Variants in VTI1B observed in about 807,000 individuals in gnomAD.
VTI1B encodes the protein vesicle transport through interaction with t-SNAREs 1B.
Under a neutral mutation model 28.6 loss-of-function variants are expected in VTI1B, and 18 were observed. That is an observed-to-expected ratio of 0.63 (90% CI 0.43 to 0.93). The LOEUF is 0.93. Among genes scored for constraint, VTI1B ranks in the 40% least tolerant of loss-of-function variants. The probability of loss-of-function intolerance (pLI) is 0.00; values close to 1 mark genes in which losing one functional copy is unlikely to be tolerated. For synonymous variants in VTI1B, 100 were observed against 107.9 expected, an observed-to-expected ratio of 0.93 and a Z score of 0.46; for missense variants, 283 against 297.0, an observed-to-expected ratio of 0.95 and a Z score of 0.35.
chr14:67,673,293 G>A (rs1429431243), intron 1 of VTI1B, among the ~76,000 whole-genome samples: 4 of 151,996 alleles, frequency 2.6e-5, no homozygotes, highest in Non-Finnish European at 4.4e-5. Flanking sequence ...GCAGTGAGCC[G>A]AGATCGTGCC....
At chr14:67,657,380 A>G (rs2037271606) in intron 3 of VTI1B, among the ~76,000 whole-genome samples, 1 of 152,212 alleles carries the variant, frequency 6.6e-6, no homozygotes, top group African/African-American at 2.4e-5. Context: ...ATTTGGTCTC[A>G]GGGAAATTAG....
intron 2 of VTI1B, among the ~76,000 whole-genome samples, chr14:67,661,999 A>T (rs1034404624): frequency 1.3e-5 from 2 of 152,072 alleles, no homozygotes. Context: ...TACTGAAAAT[A>T]CAAAAAAACA....
Position 67,670,730 on chromosome 14 carries a change from T to C in VTI1B, c.115+3645A>G, listed in dbSNP as rs555535550. On this transcript the variant is annotated intron_variant, in intron 1 of 5. Transcript: ENST00000554659. ...TTTGAGTAGAGATGGGGTTTCACCA[T>C]GTTGACCAGGATGGTCTCCATCCGT... is the stretch of plus-strand genomic sequence containing the variant. Among the ~76,000 whole-genome samples, 25 of 152,268 alleles carry C rather than the reference T, an allele frequency of 1.6e-4. No homozygotes were observed. In the South Asian group the frequency reaches 3.3e-3, roughly 20 times the overall value.
In VTI1B at chr14:67,657,097, C is replaced by T. The variant is rs149485782; in HGVS notation, c.367-508G>A. 2.1e-3 allele frequency: 319 copies of T among 152,428 alleles called. 2 individuals carry two copies. Among genetic ancestry groups the T allele is most frequent in the Admixed American group, 5.1e-3 (78 of 15,320 alleles). 9.4% of individuals were successfully genotyped at this position (152,428 alleles called of 1,614,324 possible). ...ACCATGAATAAGCTATTCTGTTCTT[C>T]GTTTTAAGCCTCCAGCACCTGGTAT... On this transcript the variant is annotated intron_variant, in intron 3 of 5. Transcript: ENST00000554659.
At position 67,651,001 on chromosome 14, in the gene VTI1B, T is replaced by C; in HGVS notation, c.*384A>G. 2.2e-6 allele frequency: 3 copies of C among 1,379,520 alleles called. No homozygotes were observed. The highest frequency in any genetic ancestry group is 2.0e-6 in the Non-Finnish European group (2 of 987,980). The allele number at this position is 1,379,520 out of a possible 1,614,324, so 85.5% of individuals were successfully genotyped here. A position where few individuals can be genotyped will look rare whatever the true frequency, so the allele number is the denominator to read the frequency against. The stretch of plus-strand genomic sequence containing the variant: ...GAGGGGATAGATGAATACTAAATGG[T>C]TGTCTGGGTCAATACTGCCTTAATG... On this transcript the variant is annotated 3_prime_UTR_variant, in exon 6 of 6. Coordinates refer to ENST00000554659, the MANE Select transcript of VTI1B (RefSeq NM_006370.3).
rs2037344125 is a variant in VTI1B, at chr14:67,662,128, C to T, written c.174+349G>A. ...CCGAGACTGTGCCACTGCACTCCAG[C>T]TTGGGCAACAGAGCGAGACTCTGTC... On this transcript the variant is annotated intron_variant, in intron 2 of 5. Transcript: ENST00000554659. Among the ~76,000 whole-genome samples, 3 of 151,336 alleles carry T rather than the reference C, an allele frequency of 2.0e-5. 1 individual carries two copies. The South Asian group carries it at 6.3e-4, about 32-fold the overall frequency.
At chr14:67,654,762 G>A (rs972489942) in intron 4 of VTI1B, among the ~76,000 whole-genome samples, 31 of 152,080 alleles carry the variant, frequency 2.0e-4, no homozygotes, top group African/African-American at 7.0e-4. Context: ...GGGCGCAGTG[G>A]CTCACGCTTA....
In VTI1B at chr14:67,674,520, G is replaced by A. The variant is rs1167866825; in HGVS notation, c.-31C>T. 1.3e-6 allele frequency: 2 copies of A among 1,561,188 alleles called. No homozygotes were observed. Among genetic ancestry groups the A allele is most frequent in the Admixed American group, 1.9e-5 (1 of 52,566 alleles). On this transcript the variant is annotated 5_prime_UTR_variant, in exon 1 of 6. Coordinates refer to ENST00000554659, the MANE Select transcript of VTI1B (RefSeq NM_006370.3). ...AGGCCGCGCTGGAGCAGCGGCCACC[G>A]AGATTCGGGGCCCTGGGCCCTTTCC...
chr14:67,667,682 C>T (rs1235600623), intron 1 of VTI1B, among the ~76,000 whole-genome samples: 3 of 152,198 alleles, frequency 2.0e-5, no homozygotes, highest in Admixed American at 1.3e-4. Flanking sequence ...CGGTGGCTCA[C>T]GCCTGTAATC....
chr14:67,659,665 ATAGT>A, intron 3 of VTI1B, 62 bp downstream of exon 3: 1 of 1,472,236 alleles, frequency 6.8e-7, no homozygotes, highest in Non-Finnish European at 9.1e-7. Context: ...CCCCAACAAT[ATAGT>A]TAATTTTTGT....
At position 67,650,561 on chromosome 14, in the gene VTI1B, A is replaced by T; in HGVS notation, c.*824T>A. ...TTAACTTAAATTCATGGCCAAGAGG[A>T]TGAGGTGCAAGGGGCTTCCTAAAAA... On this transcript the variant is annotated 3_prime_UTR_variant, in exon 6 of 6. Coordinates refer to ENST00000554659, the MANE Select transcript of VTI1B (RefSeq NM_006370.3). The T allele has an allele frequency of 1.6e-6, 1 of 640,418 alleles. No homozygotes were observed. The highest frequency in any genetic ancestry group is 2.8e-6 in the Non-Finnish European group (1 of 361,724). The allele number at this position is 640,418 out of a possible 1,614,324, so 39.7% of individuals were successfully genotyped here. A position where few individuals can be genotyped will look rare whatever the true frequency, so the allele number is the denominator to read the frequency against.
chr14:67,656,030 G>T (rs2037251032), intron 4 of VTI1B, among the ~76,000 whole-genome samples: 1 of 152,162 alleles, frequency 6.6e-6, no homozygotes, highest in Non-Finnish European at 1.5e-5. Flanking sequence ...TGGATCACCT[G>T]AAGTTAGGAG....
chr14:67,661,301 T>TTA (rs1264205684), intron 2 of VTI1B, among the ~76,000 whole-genome samples: 1 of 88,602 alleles, frequency 1.1e-5, no homozygotes, highest in African/African-American at 4.5e-5. Flanking sequence ...AAAAAAAAAG[T>TTA]TTTTTTTTTT....
In VTI1B at chr14:67,674,376, G is replaced by T. The variant is rs776719607; in HGVS notation, c.114C>A (p.Thr38=). ...CGGCGTGGCCCACCCCCGCCTCACC[G>T]GTCCCCGCCGTCCCCAGCAGCCGCT... The part of the protein sequence containing the change: ...VPERLLGTAG[T]EEKKKLIRDF... The change falls in exon 1 of 6, where the codon ACC becomes ACA. Residue 38 remains threonine, a splice_region_variant and synonymous_variant. Transcript: ENST00000554659. 6 of 1,591,380 alleles carry T rather than the reference G, an allele frequency of 3.8e-6. No individual in the cohort carries two copies. Among genetic ancestry groups the T allele is most frequent in the Non-Finnish European group, 5.1e-6 (6 of 1,170,944 alleles).
rs1039282430 is a variant in VTI1B at position 67,650,993 on chromosome 14, C to A, written c.*392G>T. 9 of 1,431,972 alleles carry A rather than the reference C, an allele frequency of 6.3e-6. No individual in the cohort carries two copies. The African/African-American group carries it at 8.4e-5, about 13-fold the overall frequency. The allele number at this position is 1,431,972 out of a possible 1,614,324, so 88.7% of individuals were successfully genotyped here. A position where few individuals can be genotyped will look rare whatever the true frequency, so the allele number is the denominator to read the frequency against. On this transcript the variant is annotated 3_prime_UTR_variant, in exon 6 of 6. Transcript: ENST00000554659. ...GAGGCATTGAGGGGATAGATGAATA[C>A]TAAATGGTTGTCTGGGTCAATACTG...
Position 67,674,532 on chromosome 14 carries a change from C to T in VTI1B, c.-43G>A. On this transcript the variant is annotated 5_prime_UTR_variant, in exon 1 of 6. Transcript: ENST00000554659. ...AGCAGCGGCCACCGAGATTCGGGGC[C>T]CTGGGCCCTTTCCTAGCCCGGCGGT... is the stretch of plus-strand genomic sequence containing the variant. 3 of 1,526,664 alleles carry T rather than the reference C, an allele frequency of 2.0e-6. No homozygotes were observed. Among genetic ancestry groups the T allele is most frequent in the Non-Finnish European group, 2.6e-6 (3 of 1,136,328 alleles). 94.6% of individuals were successfully genotyped at this position (1,526,664 alleles called of 1,614,324 possible).
Position 67,648,261 on chromosome 14 carries a change from T to C in VTI1B, c.*3124A>G, listed in dbSNP as rs2037126779. 1 of 1,492,948 alleles carries C rather than the reference T, an allele frequency of 6.7e-7. No homozygotes were observed. Among genetic ancestry groups the C allele is most frequent in the Non-Finnish European group, 9.1e-7 (1 of 1,101,934 alleles). 92.5% of individuals were successfully genotyped at this position (1,492,948 alleles called of 1,614,324 possible). ...AGTCTCTTGCCTGCAAAGGATCTTTTCTGCTATTCCACATCATTGCAGAGT... is the reference window on the plus strand; with the variant it reads ...AGTCTCTTGCCTGCAAAGGATCTTTCCTGCTATTCCACATCATTGCAGAGT... On this transcript the variant is annotated 3_prime_UTR_variant, in exon 6 of 6. Coordinates refer to ENST00000554659, the MANE Select transcript of VTI1B (RefSeq NM_006370.3).
Position 67,650,665 on chromosome 14 carries a change from G to C in VTI1B, c.*720C>G, listed in dbSNP as rs2037161426. The stretch of plus-strand genomic sequence containing the variant: ...CTGTCCCAGTGGGATGACCCTCACT[G>C]AGAGTAGCAGCAAGGGAACCTGAGG... On this transcript the variant is annotated 3_prime_UTR_variant, in exon 6 of 6. Coordinates refer to ENST00000554659, the MANE Select transcript of VTI1B (RefSeq NM_006370.3). 1 of 1,562,390 alleles carries C rather than the reference G, an allele frequency of 6.4e-7. No homozygotes were observed. Among genetic ancestry groups the C allele is most frequent in the Non-Finnish European group, 8.8e-7 (1 of 1,134,854 alleles).
intron 1 of VTI1B, among the ~76,000 whole-genome samples, chr14:67,666,268 G>A (rs1011680794): frequency 1.3e-5 from 2 of 152,060 alleles, no homozygotes; most frequent in African/African-American, 2.4e-5. Context: ...ATGAAAATCC[G>A]CATTCTCAAG....
Sources: gnomAD v4.1 joint callset for allele counts (sites outside exome capture counted in the v4.1 genomes callset) on GRCh38, gnomAD v4.1.1 for gene constraint, MANE v1.5 for transcripts, NCBI Gene and HGNC (gene_info 2026-07-23, HGNC 2026-07-21) for gene names.